The following MEGF11 variants were observed in gnomAD, a reference collection of about 807,000 sequenced individuals.
MEGF11 encodes the protein multiple EGF like domains 11, also known as multiple epidermal growth factor-like domains protein 11.
In MEGF11, 126 loss-of-function variants were observed where a neutral mutation model predicts 146.6. That is an observed-to-expected ratio of 0.86 (90% CI 0.74 to 1.00). The LOEUF is 1.00. Ranked by LOEUF, MEGF11 falls within the 50% of genes least tolerant of loss-of-function variation. The probability of loss-of-function intolerance (pLI) is 0.00; values close to 1 mark genes in which losing one functional copy is unlikely to be tolerated. For missense variants in MEGF11, 1,509 were observed against 1,521.2 expected, an observed-to-expected ratio of 0.99 and a Z score of 0.13; for synonymous variants, 532 against 583.4, an observed-to-expected ratio of 0.91 and a Z score of 1.27.
chr15:65,937,661 C>T (rs2079838248), intron 10 of MEGF11, among the ~76,000 whole-genome samples: 2 of 152,208 alleles, frequency 1.3e-5, no homozygotes, highest in Admixed American at 1.3e-4. Flanking sequence ...TGGCCAGTGG[C>T]CACATGCCAT....
At chr15:66,155,470 C>G (rs555877814) in intron 1 of MEGF11, among the ~76,000 whole-genome samples, 103 of 152,286 alleles carry the variant, frequency 6.8e-4, no homozygotes, top group African/African-American at 2.2e-3. Context: ...TAGGCACTCC[C>G]TTGCTGACTT....
chr15:66,239,788 G>A (rs1412681462), intron 1 of MEGF11, among the ~76,000 whole-genome samples: 6 of 152,206 alleles, frequency 3.9e-5, no homozygotes, highest in African/African-American at 7.2e-5. Flanking sequence ...ACAGGGCATG[G>A]GATTGGGCTT....
chr15:66,211,455 G>C (rs970855836), intron 1 of MEGF11, among the ~76,000 whole-genome samples: 14 of 151,726 alleles, frequency 9.2e-5, no homozygotes, highest in African/African-American at 2.4e-4. Flanking sequence ...ACCCGGGAGG[G>C]GGAGCTTGCA....
chr15:65,911,993 G>C (rs1270868344), intron 21 of MEGF11, 89 bp downstream of exon 21: 1 of 647,360 alleles, frequency 1.5e-6, no homozygotes. Context: ...CCCTCCATGT[G>C]GCGGGGGGCG....
intron 1 of MEGF11, among the ~76,000 whole-genome samples, chr15:66,210,244 T>C (rs1259020352): frequency 6.6e-6 from 1 of 152,194 alleles, no homozygotes; most frequent in Non-Finnish European, 1.5e-5. Context: ...TTTCTTCAAC[T>C]GCATGTGAAT....
intron 1 of MEGF11, among the ~76,000 whole-genome samples, chr15:66,132,045 G>A (rs867925807): frequency 7.9e-5 from 12 of 152,198 alleles, no homozygotes; most frequent in South Asian, 4.1e-4. Context: ...ATGCCGCCAG[G>A]TTGCTTAAGG....
Position 66,192,531 on chromosome 15 carries a change from A to AAAATAAAATC in MEGF11, c.-9+61073_-9+61074insGATTTTATTT, listed in dbSNP as rs1567278834. On this transcript the variant is annotated intron_variant, in intron 1 of 25. Coordinates refer to ENST00000395614, the MANE Select transcript of MEGF11 (RefSeq NM_001385028.1). ...AAAATAAAATAAAATAAAATAAAAT[A>AAAATAAAATC]AAATCATCATAATGAGCCTAGGATA... Among the ~76,000 whole-genome samples, 3 of 144,106 alleles carry AAAATAAAATC rather than the reference A, an allele frequency of 2.1e-5. No individual in the cohort carries two copies. The Admixed American group carries it at 2.1e-4, about 10-fold the overall frequency. The allele number at this position is 144,106 out of a possible 152,430, so 94.5% of individuals were successfully genotyped here.
intron 5 of MEGF11, among the ~76,000 whole-genome samples, chr15:66,018,246 C>T (rs990229673): frequency 2.6e-5 from 4 of 152,216 alleles, no homozygotes; most frequent in Non-Finnish European, 5.9e-5. Context: ...CTGCCCCTCC[C>T]ATCTCATTCC....
chr15:66,021,963 C>A (rs755791917), intron 5 of MEGF11, among the ~76,000 whole-genome samples: 12 of 152,140 alleles, frequency 7.9e-5, no homozygotes, highest in Admixed American at 3.3e-4. Context: ...CAGGGAAGGG[C>A]GGGCACAGGG....
At chr15:65,954,504 A>G (rs938711440) in intron 10 of MEGF11, among the ~76,000 whole-genome samples, 1 of 152,186 alleles carries the variant, frequency 6.6e-6, no homozygotes, top group African/African-American at 2.4e-5. Context: ...GCCCCTGCCC[A>G]ACATCCAACA....
chr15:66,141,283 TGTGTGTGAGAGA>T (rs1449392078), intron 1 of MEGF11, among the ~76,000 whole-genome samples: 9 of 90,042 alleles, frequency 1.0e-4, no homozygotes, highest in African/African-American at 3.2e-4. Flanking sequence ...TGTGTGTGTG[TGTGTGTGAGAGA>T]GAGAGAGAGA....
intron 5 of MEGF11, among the ~76,000 whole-genome samples, chr15:66,029,808 C>T (rs1430682003): frequency 1.3e-5 from 2 of 152,168 alleles, no homozygotes; most frequent in South Asian, 2.1e-4. Flanking sequence ...CTGGGGCTTC[C>T]GGCTTCCACT....
chr15:65,954,329 C>T (rs1302337510), intron 10 of MEGF11, among the ~76,000 whole-genome samples: 1 of 152,208 alleles, frequency 6.6e-6, no homozygotes, highest in Non-Finnish European at 1.5e-5. Context: ...GTCTGCTCTG[C>T]TGATTGCTCC....
chr15:66,089,546 G>A (rs1354157929), intron 5 of MEGF11, among the ~76,000 whole-genome samples: 1 of 152,198 alleles, frequency 6.6e-6, no homozygotes, highest in Non-Finnish European at 1.5e-5. Context: ...CCTGGGATGG[G>A]AGGCAGAGAA....
intron 24 of MEGF11, among the ~76,000 whole-genome samples, chr15:65,903,607 C>T (rs951161022): frequency 2.0e-5 from 3 of 152,224 alleles, no homozygotes; most frequent in African/African-American, 7.2e-5. Flanking sequence ...AGAACTAGGA[C>T]TACAACCCAC....
chr15:66,049,648 G>C (rs1220946772), intron 5 of MEGF11, among the ~76,000 whole-genome samples: 1 of 152,160 alleles, frequency 6.6e-6, no homozygotes, highest in Non-Finnish European at 1.5e-5. Flanking sequence ...CAGTGATTAT[G>C]GGAATTATTA....
At chr15:66,218,704 A>G (rs188134865) in intron 1 of MEGF11, among the ~76,000 whole-genome samples, 160 of 152,292 alleles carry the variant, frequency 1.1e-3, no homozygotes, top group Non-Finnish European at 1.9e-3. Flanking sequence ...CCTAGTGGGA[A>G]GCCAGGGCCT....
chr15:66,054,821 G>A (rs1207429760), intron 5 of MEGF11, among the ~76,000 whole-genome samples: 3 of 151,932 alleles, frequency 2.0e-5, no homozygotes, highest in East Asian at 3.9e-4. Context: ...TTATGAGGGT[G>A]GTAAAGGGAA....
intron 5 of MEGF11, among the ~76,000 whole-genome samples, chr15:65,992,451 G>A (rs1596964146): frequency 5.6e-5 from 1 of 17,902 alleles, no homozygotes; most frequent in South Asian, 6.1e-3. Flanking sequence ...GTGTGTGTGT[G>A]GGGGGGGGGG....
Sources: allele counts gnomAD v4.1 joint callset (sites outside exome capture counted in the v4.1 genomes callset), GRCh38; gene constraint gnomAD v4.1.1; transcripts MANE v1.5; gene names NCBI Gene and HGNC (gene_info 2026-07-23, HGNC 2026-07-21).